The following SLC39A10 variants were observed in gnomAD, a reference collection of about 807,000 sequenced individuals.
SLC39A10 encodes the protein solute carrier family 39 member 10.
In SLC39A10, 13 loss-of-function variants were observed where a neutral mutation model predicts 65.1. That is an observed-to-expected ratio of 0.20 (90% CI 0.13 to 0.32). The LOEUF (loss-of-function observed/expected upper bound fraction) is 0.32, where lower values mean the gene tolerates loss of function less well. Ranked by LOEUF, SLC39A10 falls within the 10% of genes least tolerant of loss-of-function variation. The pLI, the probability that SLC39A10 is intolerant of heterozygous loss-of-function variation, is 1.00. For synonymous variants in SLC39A10, 321 were observed against 342.2 expected (o/e 0.94, Z 0.68); for missense variants, 831 against 1,018.4 (o/e 0.82, Z 2.50).
intron 3 of SLC39A10, among the ~76,000 whole-genome samples, chr2:195,695,990 T>A (rs13426975): frequency 0.55 from 83,082 of 151,974 alleles, 23,011 homozygotes; most frequent in Non-Finnish European, 0.6. Context: ...GTCCAACTGC[T>A]TTCTTTTGCA....
intron 3 of SLC39A10, among the ~76,000 whole-genome samples, chr2:195,704,450 A>G (rs977868259): frequency 6.6e-6 from 1 of 152,112 alleles, no homozygotes; most frequent in Non-Finnish European, 1.5e-5. Flanking sequence ...TTTTTCTTCA[A>G]TATGATTGGA....
intron 2 of SLC39A10, among the ~76,000 whole-genome samples, chr2:195,623,075 T>C (rs1688384900): frequency 6.6e-6 from 1 of 150,482 alleles, no homozygotes; most frequent in Non-Finnish European, 1.5e-5. Flanking sequence ...ACAGAGATAA[T>C]GTCACCAAGC....
At chr2:195,644,639 A>G (rs992713343) in intron 2 of SLC39A10, among the ~76,000 whole-genome samples, 3 of 151,414 alleles carry the variant, frequency 2.0e-5, no homozygotes, top group Admixed American at 6.6e-5. Flanking sequence ...AGGCCCCTCA[A>G]CTAAAAAATT....
chr2:195,717,347 T>G (rs1437392779), intron 7 of SLC39A10: 1 of 180,252 alleles, frequency 5.5e-6, no homozygotes. Flanking sequence ...CTAGGTTTAA[T>G]AAATTTGCCA....
Position 195,728,140 on chromosome 2 carries a change from C to G in SLC39A10, c.2147-19C>G, listed in dbSNP as rs764923040. The G allele has an allele frequency of 6.3e-7, 1 of 1,589,462 alleles. No homozygotes were observed. The highest frequency in any genetic ancestry group is 1.7e-5 in the Admixed American group (1 of 58,906). On this transcript the variant is annotated intron_variant, in intron 8 of 9. Coordinates refer to ENST00000359634, the MANE Select transcript of SLC39A10 (RefSeq NM_020342.3). This position sits in a 1 kb window ranked among gnomAD's most constrained non-coding sequence, Gnocchi z 4.4. ...AAATCCTGTGGTTTTAAAACATTCCCATTGTTTCTTAATTGCAGGAGATTT... is the reference window on the plus strand; with the variant it reads ...AAATCCTGTGGTTTTAAAACATTCCGATTGTTTCTTAATTGCAGGAGATTT...
At chr2:195,663,536 A>G (rs943057116) in intron 1 of SLC39A10, among the ~76,000 whole-genome samples, 6 of 152,186 alleles carry the variant, frequency 3.9e-5, no homozygotes, top group African/African-American at 1.4e-4. Flanking sequence ...TAATATACAC[A>G]TAACGTATTC....
chr2:195,630,976 G>A (rs1485716789), intron 2 of SLC39A10, among the ~76,000 whole-genome samples: 1 of 152,128 alleles, frequency 6.6e-6, no homozygotes. Context: ...ATCACTTGAG[G>A]TCAAGAGTTT....
chr2:195,734,662 TGAG>T (rs1048387222), intron 9 of SLC39A10, among the ~76,000 whole-genome samples: 1 of 152,068 alleles, frequency 6.6e-6, no homozygotes, highest in African/African-American at 2.4e-5. Context: ...TTGTGGGGGA[TGAG>T]GAGGAGGGAA....
chr2:195,626,998 C>T (rs1265386330), intron 2 of SLC39A10, among the ~76,000 whole-genome samples: 11 of 152,144 alleles, frequency 7.2e-5, no homozygotes, highest in Admixed American at 7.2e-4. Context: ...TATCTCAAAG[C>T]ATTAATCTGT....
intron 2 of SLC39A10, among the ~76,000 whole-genome samples, chr2:195,629,768 T>C (rs1278894540): frequency 6.6e-6 from 1 of 152,220 alleles, no homozygotes; most frequent in Non-Finnish European, 1.5e-5. Flanking sequence ...ATCTCGCTCT[T>C]GTCATCCAGG....
intron 5 of SLC39A10, among the ~76,000 whole-genome samples, chr2:195,711,215 A>G (rs1252731078): frequency 6.6e-6 from 1 of 152,218 alleles, no homozygotes; most frequent in African/African-American, 2.4e-5. Context: ...CCCTTTAACC[A>G]TCACGTCAGT....
At chr2:195,676,960 TTAA>T (rs3049397) in intron 1 of SLC39A10, among the ~76,000 whole-genome samples, 79,532 of 151,732 alleles carry the variant, frequency 0.52, 21,365 homozygotes, top group Non-Finnish European at 0.6. Flanking sequence ...CAATAACATC[TTAA>T]TAAGTTTTTC....
chr2:195,634,470 G>T (rs1574207266), intron 2 of SLC39A10, among the ~76,000 whole-genome samples: 1 of 152,128 alleles, frequency 6.6e-6, no homozygotes, highest in East Asian at 1.9e-4. Context: ...AACTTGATGT[G>T]CCTCCTTCCA....
chr2:195,725,829 C>G (rs1692214757), intron 8 of SLC39A10, among the ~76,000 whole-genome samples: 1 of 152,118 alleles, frequency 6.6e-6, no homozygotes, highest in Non-Finnish European at 1.5e-5. Context: ...ATGCATTATT[C>G]TAAGTGAACA....
intron 8 of SLC39A10, among the ~76,000 whole-genome samples, chr2:195,720,513 T>C (rs886086662): frequency 2.0e-5 from 3 of 152,248 alleles, no homozygotes; most frequent in Non-Finnish European, 4.4e-5. Flanking sequence ...TTCTGAAAAC[T>C]CACCTGGCTA....
rs1692632831 is a variant in SLC39A10, at chr2:195,736,880, A to ATC, written c.*1840_*1841insCT. On this transcript the variant is annotated 3_prime_UTR_variant, in exon 10 of 10. Coordinates refer to ENST00000359634, the MANE Select transcript of SLC39A10 (RefSeq NM_020342.3). The stretch of plus-strand genomic sequence containing the variant: ...GTACTGCCAACTTCAAGTGATTTAG[A>ATC]TATCTATCTATCTAGATTTCTGAAC... 1 of 151,762 alleles carries ATC rather than the reference A, an allele frequency of 6.6e-6. No individual in the cohort carries two copies. The highest frequency in any genetic ancestry group is 1.5e-5 in the Non-Finnish European group (1 of 67,690). The allele number at this position is 151,762 out of a possible 1,614,324, so 9.4% of individuals were successfully genotyped here.
chr2:195,715,525 CAAAAA>C (rs545656309), intron 6 of SLC39A10, among the ~76,000 whole-genome samples: 119 of 61,640 alleles, frequency 1.9e-3, no homozygotes, highest in African/African-American at 6.6e-3. Context: ...GACTCTGTCT[CAAAAA>C]AAAAAAAAAA....
At chr2:195,653,277 T>G (rs1483681930), upstream of SLC39A10, among the ~76,000 whole-genome samples, 1 of 147,896 alleles carries the variant, frequency 6.8e-6, no homozygotes, top group Non-Finnish European at 1.5e-5. Flanking sequence ...ATGTTAATAC[T>G]GGTCATCTGT....
At chr2:195,710,066 T>G (rs1159460628) in intron 5 of SLC39A10, among the ~76,000 whole-genome samples, 3 of 152,192 alleles carry the variant, frequency 2.0e-5, no homozygotes, top group African/African-American at 7.2e-5. Context: ...AGATGATGCT[T>G]GACGCTTGGT....
Sources: allele counts gnomAD v4.1 joint callset (sites outside exome capture counted in the v4.1 genomes callset), GRCh38; gene constraint gnomAD v4.1.1; non-coding constraint Gnocchi (gnomAD v3.1); transcripts MANE v1.5; gene names NCBI Gene and HGNC (gene_info 2026-07-23, HGNC 2026-07-21).